USP47: variants seen among roughly 807,000 people sequenced by gnomAD.
USP47 encodes the protein ubiquitin specific peptidase 47.
Under a neutral mutation model 165.1 loss-of-function variants are expected in USP47, and 35 were observed. The ratio of observed to expected loss-of-function variants is 0.21; its 90% CI spans 0.16 to 0.28. The LOEUF is 0.28. USP47 is among the 10% of genes least tolerant of loss of function. The pLI is 1.00. For synonymous variants in USP47, 531 were observed against 544.5 expected (o/e 0.98, Z 0.35); for missense variants, 1,277 against 1,607.4 (o/e 0.79, Z 3.52).
intron 5 of USP47, among the ~76,000 whole-genome samples, chr11:11,899,569 G>A (rs189825419): frequency 6.6e-6 from 1 of 152,094 alleles, no homozygotes; most frequent in Admixed American, 6.5e-5. Flanking sequence ...GAAGAGGAGG[G>A]GAGGGTCACA....
chr11:11,929,222 G>A (rs1022812743), intron 11 of USP47, among the ~76,000 whole-genome samples: 1 of 152,034 alleles, frequency 6.6e-6, no homozygotes, highest in Non-Finnish European at 1.5e-5. Flanking sequence ...ATTAAAATGT[G>A]GAAGAGTGCA....
intron 8 of USP47, among the ~76,000 whole-genome samples, chr11:11,912,785 T>G (rs1313689156): frequency 6.6e-6 from 1 of 152,090 alleles, no homozygotes; most frequent in Non-Finnish European, 1.5e-5. Context: ...GCAAATGGAA[T>G]TAAGCAATTT....
At chr11:11,935,181 T>A (rs1304753084) in intron 16 of USP47, among the ~76,000 whole-genome samples, 1 of 152,130 alleles carries the variant, frequency 6.6e-6, no homozygotes, top group Non-Finnish European at 1.5e-5. Context: ...ATTGAAATTT[T>A]ACATTTAATT....
At position 11,956,412 on chromosome 11, in the gene USP47, A is replaced by G. The variant is rs1856562243; in HGVS notation, c.*237A>G. 2 of 348,814 alleles carry G rather than the reference A, an allele frequency of 5.7e-6. No individual in the cohort carries two copies. The highest frequency in any genetic ancestry group is 5.1e-6 in the Non-Finnish European group (1 of 194,504). 21.6% of individuals were successfully genotyped at this position (348,814 alleles called of 1,614,324 possible). A position where few individuals can be genotyped will look rare whatever the true frequency, so the allele number is the denominator to read the frequency against. On this transcript the variant is annotated 3_prime_UTR_variant, in exon 28 of 28. Coordinates refer to ENST00000527733, the MANE Select transcript of USP47 (RefSeq NM_001282659.2). The stretch of plus-strand genomic sequence containing the variant: ...AAAGTGAAAAGGGATGTGCAAAAAA[A>G]TAAAAAAAAACAACAAAAAAAGCTA...
At position 11,900,461 on chromosome 11, in the gene USP47, A is replaced by T. The variant is rs370847809; in HGVS notation, c.594-2254A>T. Among the ~76,000 whole-genome samples the T allele has an allele frequency of 9.7e-4, 147 of 152,116 alleles. 2 individuals are homozygous for T. The highest frequency in any genetic ancestry group is 1.9e-3 in the Non-Finnish European group (129 of 67,962). Reference sequence around the variant, plus strand: ...AGGCGTGAGCCACCGCGCCCGGCCTATTTTCTTCACTTTTTGCATAGTAGC... The same window carrying T: ...AGGCGTGAGCCACCGCGCCCGGCCTTTTTTCTTCACTTTTTGCATAGTAGC... On this transcript the variant is annotated intron_variant, in intron 5 of 27. Transcript: ENST00000527733.
chr11:11,875,628 CAG>C (rs1230309139), intron 1 of USP47, among the ~76,000 whole-genome samples: 10 of 151,870 alleles, frequency 6.6e-5, no homozygotes, highest in African/African-American at 2.4e-4. Context: ...TTCTTTGAGA[CAG>C]AGTCTTGCTG....
chr11:11,960,908 T>TCCCTCTTCAACCTCATCCTCCCTC lies in USP47; in HGVS notation c.*4737_*4760dup, dbSNP rs1847424815. 6.6e-6 allele frequency among the ~76,000 whole-genome samples: 1 copy of TCCCTCTTCAACCTCATCCTCCCTC among 152,128 alleles called. No individual in the cohort carries two copies. Among genetic ancestry groups the TCCCTCTTCAACCTCATCCTCCCTC allele is most frequent in the Non-Finnish European group, 1.5e-5 (1 of 68,004 alleles). On this transcript the variant is annotated 3_prime_UTR_variant, in exon 28 of 28. Transcript: ENST00000527733. Reference sequence around the variant, plus strand: ...CTCACACTACAGCAGGCCCCTCCCTTCCCTCTTCAACCTCATCCTCCCTCC... The same window carrying TCCCTCTTCAACCTCATCCTCCCTC: ...CTCACACTACAGCAGGCCCCTCCCTTCCCTCTTCAACCTCATCCTCCCTCCCCTCTTCAACCTCATCCTCCCTCC...
In USP47 at chr11:11,950,371, C is replaced by T. The variant is rs1387487303; in HGVS notation, c.3472C>T (p.Leu1158=). Residue 1158 remains leucine (L), a synonymous_variant, in exon 24 of 28, where the codon CTA becomes TTA. Transcript: ENST00000527733. Reference sequence around the variant, plus strand: ...GTCTTATCACATTTGTAGGTTTCGTCTAAGGAAAAAAACATGGAAGAATCC... The same window carrying T: ...GTCTTATCACATTTGTAGGTTTCGTTTAAGGAAAAAAACATGGAAGAATCC... The part of the protein sequence containing the change: ...GLELSIDRFR[L]RKKTWKNPGT... The T allele has an allele frequency of 3.8e-6, 6 of 1,589,022 alleles. No homozygotes were observed. The East Asian group carries it at 1.4e-4, about 36-fold the overall frequency.
At chr11:11,873,311 A>G (rs1850192796) in intron 1 of USP47, among the ~76,000 whole-genome samples, 1 of 152,112 alleles carries the variant, frequency 6.6e-6, no homozygotes, top group South Asian at 2.1e-4. Context: ...ATTTCCTTTT[A>G]TATGTTTTTG....
chr11:11,956,256 C>T lies in USP47; in HGVS notation c.*81C>T. On this transcript the variant is annotated 3_prime_UTR_variant, in exon 28 of 28. Transcript: ENST00000527733. ...CTACCACTGGGTAGTGCCATTTTGG[C>T]CGGACATGGTTGGGGTAACCCAGTG... 1 of 1,529,294 alleles carries T rather than the reference C, an allele frequency of 6.5e-7. No individual in the cohort carries two copies. The highest frequency in any genetic ancestry group is 8.9e-7 in the Non-Finnish European group (1 of 1,117,434). The allele number at this position is 1,529,294 out of a possible 1,614,324, so 94.7% of individuals were successfully genotyped here.
At chr11:11,947,664 T>C (rs1011991787) in intron 20 of USP47, among the ~76,000 whole-genome samples, 1 of 152,026 alleles carries the variant, frequency 6.6e-6, no homozygotes, top group African/African-American at 2.4e-5. Flanking sequence ...GTGTATATAT[T>C]TTAAAAGAAT....
intron 16 of USP47, among the ~76,000 whole-genome samples, chr11:11,935,473 AAG>A (rs1854990545): frequency 6.6e-6 from 1 of 151,956 alleles, no homozygotes; most frequent in African/African-American, 2.4e-5. Flanking sequence ...CGCAAATAAA[AAG>A]AAACAAACAA....
intron 20 of USP47, among the ~76,000 whole-genome samples, chr11:11,945,987 C>T (rs1471751414): frequency 1.3e-5 from 2 of 150,258 alleles, no homozygotes; most frequent in Admixed American, 6.6e-5. Flanking sequence ...AAAAGAAATA[C>T]GTAAGAGAAA....
At chr11:11,892,887 A>G (rs569627122) in intron 4 of USP47, among the ~76,000 whole-genome samples, 2 of 151,364 alleles carry the variant, frequency 1.3e-5, no homozygotes, top group East Asian at 3.9e-4. Flanking sequence ...TATTTTGACT[A>G]TACTCTGAAA....
At chr11:11,883,503 A>G (rs1418669201) in intron 2 of USP47, among the ~76,000 whole-genome samples, 2 of 152,222 alleles carry the variant, frequency 1.3e-5, no homozygotes, top group African/African-American at 4.8e-5. Context: ...TTTTGTCCTC[A>G]GTACCTGCAC....
chr11:11,938,211 T>TA, intron 17 of USP47, 46 bp from the exon 18 acceptor site: 1 of 1,551,956 alleles, frequency 6.4e-7, no homozygotes, highest in Non-Finnish European at 8.9e-7. Flanking sequence ...TGAAATACAT[T>TA]AAAAAATAAC....
chr11:11,947,637 A>G (rs1299328105), intron 20 of USP47, among the ~76,000 whole-genome samples: 3 of 152,236 alleles, frequency 2.0e-5, no homozygotes, highest in African/African-American at 7.2e-5. Flanking sequence ...TTACACTATT[A>G]CTGTGTAGAG....
chr11:11,855,736 A>G (rs2134164538), intron 1 of USP47, among the ~76,000 whole-genome samples: 1 of 152,330 alleles, frequency 6.6e-6, no homozygotes, highest in South Asian at 2.1e-4. Context: ...GTATTTAATA[A>G]TGAATACACT....
intron 8 of USP47, among the ~76,000 whole-genome samples, chr11:11,908,913 A>G (rs890600694): frequency 6.6e-6 from 1 of 152,174 alleles, no homozygotes; most frequent in African/African-American, 2.4e-5. Context: ...TTGATTAAAT[A>G]GATTTGGGAA....
Sources: gnomAD v4.1 joint callset for allele counts (sites outside exome capture counted in the v4.1 genomes callset) on GRCh38, gnomAD v4.1.1 for gene constraint, MANE v1.5 for transcripts, NCBI Gene and HGNC (gene_info 2026-07-23, HGNC 2026-07-21) for gene names.